Variants in ATOSA observed in about 807,000 individuals in gnomAD.
ATOSA encodes atos homolog protein A.
At chr15:52,623,401 A>G in the ATOSA span, among the ~76,000 whole-genome samples, 2 of 152,216 alleles carry the variant, frequency 1.3e-5, no homozygotes, top group East Asian at 3.9e-4. Flanking sequence ...ATAGTTGTCC[A>G]GGGTTGTAGG....
the ATOSA span, among the ~76,000 whole-genome samples, chr15:52,703,751 T>C: frequency 1.3e-5 from 2 of 151,922 alleles, no homozygotes; most frequent in African/African-American, 2.4e-5. Flanking sequence ...AAATGACGAG[T>C]TGATGGGTGC....
the ATOSA span, among the ~76,000 whole-genome samples, chr15:52,707,982 C>T: frequency 8.5e-5 from 13 of 152,276 alleles, no homozygotes; most frequent in African/African-American, 3.1e-4. Flanking sequence ...CCATTCCTGT[C>T]ATAGAAACCT....
chr15:52,644,846 T>C, the ATOSA span, among the ~76,000 whole-genome samples: 2 of 152,316 alleles, frequency 1.3e-5, no homozygotes, highest in South Asian at 4.2e-4. Context: ...AATTTCTGTA[T>C]TGATTACTAG....
chr15:52,663,768 C>T, the ATOSA span, among the ~76,000 whole-genome samples: 3 of 152,120 alleles, frequency 2.0e-5, no homozygotes, highest in Non-Finnish European at 2.9e-5. Flanking sequence ...TATAGGCATG[C>T]CTCAACAAGC....
At chr15:52,626,528 T>G in the ATOSA span, among the ~76,000 whole-genome samples, 2 of 22,502 alleles carry the variant, frequency 8.9e-5, no homozygotes, top group Non-Finnish European at 2.4e-4. Flanking sequence ...AAGGGAAAGC[T>G]GAAAAAAAAA....
At chr15:52,689,523 A>G in the ATOSA span, among the ~76,000 whole-genome samples, 1 of 152,172 alleles carries the variant, frequency 6.6e-6, no homozygotes, top group Non-Finnish European at 1.5e-5. Context: ...AGTCCCTGGT[A>G]ATTGCCTTTA....
the ATOSA span, chr15:52,649,625 TTAAAG>T: frequency 2.6e-5 from 4 of 152,234 alleles, no homozygotes; most frequent in South Asian, 2.1e-4. Flanking sequence ...TTTTTGAGAA[TTAAAG>T]TATTTTTCCA....
the ATOSA span, among the ~76,000 whole-genome samples, chr15:52,646,433 T>C: frequency 2.6e-5 from 4 of 152,222 alleles, no homozygotes; most frequent in Non-Finnish European, 5.9e-5. Context: ...AATCTCAGTC[T>C]ACAACTCAGA....
the ATOSA span, among the ~76,000 whole-genome samples, chr15:52,691,783 C>G: frequency 6.6e-6 from 1 of 151,988 alleles, no homozygotes; most frequent in Non-Finnish European, 1.5e-5. Context: ...TGCAGTGAGA[C>G]TTAATCACAC....
the ATOSA span, among the ~76,000 whole-genome samples, chr15:52,685,974 T>G: frequency 2.6e-4 from 40 of 152,120 alleles, no homozygotes; most frequent in African/African-American, 9.4e-4. Context: ...CAAGTGATCT[T>G]CCCACCTCAG....
chr15:52,604,021 G>A, the ATOSA span, among the ~76,000 whole-genome samples: 2 of 152,200 alleles, frequency 1.3e-5, no homozygotes, highest in South Asian at 2.1e-4. Flanking sequence ...GCCTTGAAGT[G>A]ATAGATAATC....
At chr15:52,697,308 T>A in the ATOSA span, among the ~76,000 whole-genome samples, 2 of 152,204 alleles carry the variant, frequency 1.3e-5, no homozygotes, top group African/African-American at 4.8e-5. Context: ...TCAGGCCAAA[T>A]GAGTTTCTCC....
the ATOSA span, among the ~76,000 whole-genome samples, chr15:52,645,682 C>G: frequency 3.3e-5 from 5 of 152,120 alleles, no homozygotes; most frequent in African/African-American, 9.7e-5. Flanking sequence ...TCTCTGTGCT[C>G]TGTGTAAACC....
chr15:52,681,316 G>A, the ATOSA span, among the ~76,000 whole-genome samples: 1 of 152,104 alleles, frequency 6.6e-6, no homozygotes, highest in Non-Finnish European at 1.5e-5. Flanking sequence ...TACCTGCTAG[G>A]CTCATACAAG....
At chr15:52,582,277 G>A in the ATOSA span, 1 of 1,588,220 alleles carries the variant, frequency 6.3e-7, no homozygotes, top group East Asian at 2.3e-5. Flanking sequence ...CTCTATGGAG[G>A]TAGATCTTTC....
chr15:52,631,742 T>G, the ATOSA span, among the ~76,000 whole-genome samples: 1 of 152,198 alleles, frequency 6.6e-6, no homozygotes, highest in Non-Finnish European at 1.5e-5. Context: ...ACTAAAGTGT[T>G]CTAAAACACA....
At chr15:52,648,325 T>G in the ATOSA span, among the ~76,000 whole-genome samples, 1 of 152,110 alleles carries the variant, frequency 6.6e-6, no homozygotes, top group South Asian at 2.1e-4. Context: ...AAAATTGTTT[T>G]TCCTTTTTAT....
At chr15:52,680,776 A>G in the ATOSA span, among the ~76,000 whole-genome samples, 1 of 152,244 alleles carries the variant, frequency 6.6e-6, no homozygotes, top group Non-Finnish European at 1.5e-5. Context: ...TCTTTAATCT[A>G]TAAAATGCTA....
At chr15:52,635,980 C>T in the ATOSA span, among the ~76,000 whole-genome samples, 1 of 149,110 alleles carries the variant, frequency 6.7e-6, no homozygotes, top group African/African-American at 2.5e-5. Flanking sequence ...GCCTGGGTGA[C>T]AGAGTGAGAA....
Sources: gnomAD v4.1 joint callset for allele counts (sites outside exome capture counted in the v4.1 genomes callset) on GRCh38, gnomAD v4.1.1 for gene constraint, MANE v1.5 for transcripts, NCBI Gene and HGNC (gene_info 2026-07-23, HGNC 2026-07-21) for gene names.